Variants in EFNB2 observed in about 807,000 individuals in gnomAD.
EFNB2 encodes ephrin-B2.
EFNB2 carries 5 observed loss-of-function variants against 32.1 expected under a neutral mutation model. That is an observed-to-expected ratio of 0.16 (90% CI 0.08 to 0.33). The LOEUF (loss-of-function observed/expected upper bound fraction) is 0.33, where lower values mean the gene tolerates loss of function less well. Among genes scored for constraint, EFNB2 ranks in the 10% least tolerant of loss-of-function variants. The pLI, the probability that EFNB2 is intolerant of heterozygous loss-of-function variation, is 1.00. For missense variants in EFNB2, 263 were observed against 422.6 expected (o/e 0.62, Z 3.31); for synonymous variants, 168 against 166.5 (o/e 1.01, Z -0.07).
intron 1 of EFNB2, among the ~76,000 whole-genome samples, chr13:106,522,247 G>A (rs1328247792): frequency 6.6e-6 from 1 of 152,166 alleles, no homozygotes; most frequent in African/African-American, 2.4e-5. Flanking sequence ...ACTAAAAGGA[G>A]GATTTCATAA....
At chr13:106,520,455 C>A (rs953702331) in intron 1 of EFNB2, 9 of 152,198 alleles carry the variant, frequency 5.9e-5, no homozygotes, top group Non-Finnish European at 1.2e-4. Flanking sequence ...TTGGGCCTGC[C>A]ACATCTATAC....
chr13:106,524,287 A>C (rs1274934698), intron 1 of EFNB2, among the ~76,000 whole-genome samples: 1 of 152,232 alleles, frequency 6.6e-6, no homozygotes, highest in Non-Finnish European at 1.5e-5. Context: ...CTTTAAGCAA[A>C]TGCATGCTTA....
chr13:106,495,650 A>T, intron 3 of EFNB2, 98 bp downstream of exon 3: 1 of 1,168,476 alleles, frequency 8.6e-7, no homozygotes, highest in Non-Finnish European at 1.2e-6. Context: ...AACTAAAAAG[A>T]AGAGCGAATG....
intron 2 of EFNB2, among the ~76,000 whole-genome samples, chr13:106,501,028 AT>A (rs1314882044): frequency 2.0e-5 from 3 of 152,234 alleles, no homozygotes; most frequent in Non-Finnish European, 2.9e-5. Flanking sequence ...TGATAAAAAA[AT>A]AATTAGTGTG....
intron 1 of EFNB2, chr13:106,519,317 G>A (rs1303556684): frequency 6.6e-6 from 1 of 152,148 alleles, no homozygotes; most frequent in Non-Finnish European, 1.5e-5. Flanking sequence ...ATATTTATGT[G>A]TAATTATGGC....
chr13:106,524,460 G>A (rs1879634427), intron 1 of EFNB2, among the ~76,000 whole-genome samples: 1 of 152,122 alleles, frequency 6.6e-6, no homozygotes, highest in South Asian at 2.1e-4. Context: ...TCTCCCCGTT[G>A]GTATTATGGA....
In EFNB2 at chr13:106,489,959, AC is replaced by A; in HGVS notation, c.*3080del. On this transcript the variant is annotated 3_prime_UTR_variant, in exon 5 of 5. Transcript: ENST00000646441. ...TACTGTGTTACTTACAAATTGGACAACGAAATTTTAAATAAATATTCATGGT... is the reference window on the plus strand; with the variant it reads ...TACTGTGTTACTTACAAATTGGACAAGAAATTTTAAATAAATATTCATGGT... 1 of 152,746 alleles carries A rather than the reference AC, an allele frequency of 6.5e-6. No homozygotes were observed. The highest frequency in any genetic ancestry group is 6.5e-5 in the Admixed American group (1 of 15,300). The allele number at this position is 152,746 out of a possible 1,614,324, so 9.5% of individuals were successfully genotyped here.
At chr13:106,520,321 C>G (rs539478158) in intron 1 of EFNB2, 1 of 152,130 alleles carries the variant, frequency 6.6e-6, no homozygotes, top group African/African-American at 2.4e-5. Flanking sequence ...TCTGCAATTC[C>G]GAATGCAGAT....
rs79637898 is a variant in EFNB2 at position 106,502,079 on chromosome 13, A to G, written c.407-6239T>C. 4.8e-3 allele frequency among the ~76,000 whole-genome samples: 726 copies of G among 152,326 alleles called. 3 individuals are homozygous for G. The highest frequency in any genetic ancestry group is 0.014 in the Middle Eastern group (4 of 294). Reference sequence around the variant, plus strand: ...GTGTGAGTTTTTCACCCGTGAAAATATCGTTCAATATGATAGGAAGAATCA... The same window carrying G: ...GTGTGAGTTTTTCACCCGTGAAAATGTCGTTCAATATGATAGGAAGAATCA... On this transcript the variant is annotated intron_variant, in intron 2 of 4. Transcript: ENST00000646441.
rs550538522 is a variant in EFNB2 at position 106,494,285 on chromosome 13, C to A, written c.613+596G>T. 1.4e-4 allele frequency among the ~76,000 whole-genome samples: 21 copies of A among 152,308 alleles called. No homozygotes were observed. In the East Asian group the frequency reaches 2.5e-3, roughly 18 times the overall value. On this transcript the variant is annotated intron_variant, in intron 4 of 4. Coordinates refer to ENST00000646441, the MANE Select transcript of EFNB2 (RefSeq NM_004093.4). ...TATAAAACCTTCATTAGCATGGTAA[C>A]AAATACAGAACTATTTGTTCCAAGA...
chr13:106,510,284 T>C (rs1879096989), intron 2 of EFNB2: 1 of 152,236 alleles, frequency 6.6e-6, no homozygotes, highest in African/African-American at 2.4e-5. Context: ...AAATCTCTCA[T>C]GTATTAATAA....
chr13:106,499,219 T>C (rs1302804553), intron 2 of EFNB2, among the ~76,000 whole-genome samples: 2 of 151,786 alleles, frequency 1.3e-5, no homozygotes, highest in African/African-American at 4.8e-5. Flanking sequence ...CATCACAGAG[T>C]GTAATTCTTA....
intron 2 of EFNB2, chr13:106,509,756 G>A (rs938234466): frequency 6.6e-6 from 1 of 151,892 alleles, no homozygotes; most frequent in Admixed American, 6.6e-5. Flanking sequence ...GCAATACAAA[G>A]TCAATATTAA....
rs1399234624 is a variant in EFNB2 at position 106,492,294 on chromosome 13, G to C, written c.*746C>G. ...GCAGCAGCAGTGAGCTGCAATTGCA[G>C]CCAGCCCTTTCCCCAGCCCCACTCC... is the stretch of plus-strand genomic sequence containing the variant. On this transcript the variant is annotated 3_prime_UTR_variant, in exon 5 of 5. Coordinates refer to ENST00000646441, the MANE Select transcript of EFNB2 (RefSeq NM_004093.4). The surrounding 1 kb of genome is among the most constrained non-coding windows in gnomAD (Gnocchi z 5.1). 6.6e-6 allele frequency: 1 copy of C among 152,550 alleles called. No individual in the cohort carries two copies. Among genetic ancestry groups the C allele is most frequent in the Non-Finnish European group, 1.5e-5 (1 of 68,252 alleles). 9.4% of individuals were successfully genotyped at this position (152,550 alleles called of 1,614,324 possible).
intron 2 of EFNB2, among the ~76,000 whole-genome samples, chr13:106,504,357 C>T (rs900585417): frequency 9.2e-5 from 14 of 152,174 alleles, no homozygotes; most frequent in Non-Finnish European, 1.3e-4. Flanking sequence ...TGTCTGCTGA[C>T]AGTTTAGAAT....
At chr13:106,521,928 G>A (rs1285730015) in intron 1 of EFNB2, among the ~76,000 whole-genome samples, 3 of 151,876 alleles carry the variant, frequency 2.0e-5, no homozygotes, top group African/African-American at 7.3e-5. Context: ...CTTTAAGTGT[G>A]TGATCCCCAA....
intron 1 of EFNB2, among the ~76,000 whole-genome samples, chr13:106,528,057 C>T (rs1177360940): frequency 6.6e-6 from 1 of 152,178 alleles, no homozygotes; most frequent in Non-Finnish European, 1.5e-5. Context: ...CATTAGCAAT[C>T]ACTGTCAAGT....
chr13:106,511,278 G>C (rs984700596), intron 2 of EFNB2, among the ~76,000 whole-genome samples: 15 of 151,932 alleles, frequency 9.9e-5, no homozygotes, highest in African/African-American at 3.6e-4. Flanking sequence ...GCTACTCTAT[G>C]TATCAAGTTG....
intron 2 of EFNB2, among the ~76,000 whole-genome samples, chr13:106,497,342 G>A (rs1399002455): frequency 2.6e-5 from 4 of 151,644 alleles, no homozygotes; most frequent in Non-Finnish European, 4.4e-5. Flanking sequence ...AATTTTTCCC[G>A]GGAAACTGGG....
Sources: allele counts gnomAD v4.1 joint callset (sites outside exome capture counted in the v4.1 genomes callset), GRCh38; gene constraint gnomAD v4.1.1; non-coding constraint Gnocchi (gnomAD v3.1); transcripts MANE v1.5; gene names NCBI Gene and HGNC (gene_info 2026-07-23, HGNC 2026-07-21).